The following SYN1 variants were observed in gnomAD, a reference collection of about 807,000 sequenced individuals.
SYN1 encodes the protein synapsin-1.
In SYN1, 8 loss-of-function variants were observed where a neutral mutation model predicts 44.6. The observed-to-expected ratio is 0.18, with a 90% CI of 0.11 to 0.32. SYN1 has a LOEUF of 0.32. Among genes scored for constraint, SYN1 ranks in the 10% least tolerant of loss-of-function variants. SYN1 has a pLI of 1.00. For synonymous variants in SYN1, 275 were observed against 280.1 expected (o/e 0.98, Z 0.18); for missense variants, 451 against 639.4 (o/e 0.71, Z 3.18).
At chrX:47,603,914 T>A (rs865967660) in intron 5 of SYN1, among the ~76,000 whole-genome samples, 1,968 of 99,558 alleles carry the variant, frequency 0.02, 28 homozygotes, top group African/African-American at 0.024. Flanking sequence ...ATATTTTTTT[T>A]TTTTTTTTTT....
intron 5 of SYN1, among the ~76,000 whole-genome samples, chrX:47,578,831 C>T (rs886116814): frequency 1.3e-4 from 14 of 111,266 alleles, no homozygotes; most frequent in East Asian, 2.8e-4. Flanking sequence ...ACAGGAAGCC[C>T]GCAGACTCAG....
rs770195822 is a variant in SYN1, at chrX:47,574,283, T to A, written c.1701A>T (p.Thr567=). Residue 567 remains threonine (T), a synonymous_variant, in exon 12 of 13, where the codon ACA becomes ACT. Coordinates refer to ENST00000295987, the MANE Select transcript of SYN1 (RefSeq NM_006950.3). ...QAGPPQATRQ[T]SVSGPAPPKA... is the part of the protein sequence containing the mutation. The stretch of plus-strand genomic sequence containing the variant: ...TTGGCGGAGCCGGGCCAGAGACGGA[T>A]GTCTGACGGGTAGCCTGTGGGGGGC... 300 of 1,102,205 alleles carry A rather than the reference T, an allele frequency of 2.7e-4. 1 individual carries two copies. The highest frequency in any genetic ancestry group is 2.4e-4 in the Non-Finnish European group (206 of 848,567). The allele number at this position is 1,102,205 out of a possible 1,213,427, so 90.8% of individuals were successfully genotyped here.
At chrX:47,595,380 G>T (rs928497691) in intron 5 of SYN1, among the ~76,000 whole-genome samples, 9 of 112,003 alleles carry the variant, frequency 8.0e-5, no homozygotes, top group Non-Finnish European at 1.7e-4. Context: ...AAATAACCTG[G>T]GGCTTGCCAT....
intron 1 of SYN1, among the ~76,000 whole-genome samples, chrX:47,618,357 G>T (rs1429262465): frequency 2.7e-5 from 3 of 112,091 alleles, no homozygotes; most frequent in African/African-American, 9.8e-5. Context: ...TTTAGAGAAG[G>T]CTCACACTGC....
At chrX:47,599,098 G>C (rs895700980) in intron 5 of SYN1, among the ~76,000 whole-genome samples, 1 of 110,763 alleles carries the variant, frequency 9.0e-6, no homozygotes, top group Non-Finnish European at 1.9e-5. Context: ...ATTAAAAATG[G>C]TACACTAGAA....
At chrX:47,612,598 T>C (rs1374204491) in intron 1 of SYN1, among the ~76,000 whole-genome samples, 1 of 112,047 alleles carries the variant, frequency 8.9e-6, no homozygotes, top group Non-Finnish European at 1.9e-5. Context: ...ATAACCCAAC[T>C]GGAATGGCCT....
At chrX:47,579,932 T>C in intron 5 of SYN1, among the ~76,000 whole-genome samples, 1 of 101,566 alleles carries the variant, frequency 9.8e-6, no homozygotes, top group Non-Finnish European at 2.0e-5. Flanking sequence ...CCCTTTTGTG[T>C]CTAAGTTTCC....
At chrX:47,603,692 C>T (rs1435739964) in intron 5 of SYN1, among the ~76,000 whole-genome samples, 1 of 110,244 alleles carries the variant, frequency 9.1e-6, no homozygotes, top group Non-Finnish European at 1.9e-5. Flanking sequence ...TAAGTCAAAA[C>T]AGGTACTTAT....
Position 47,605,313 on chromosome X carries a change from G to A in SYN1, c.594C>T (p.Tyr198=), listed in dbSNP as rs779221983. 8.3e-7 allele frequency: 1 copy of A among 1,211,001 alleles called. No homozygotes were observed. The highest frequency in any genetic ancestry group is 1.1e-6 in the Non-Finnish European group (1 of 895,128). ...ACTGCAGCCCAATGACCAAACTGCG[G>A]TAGTCTCCGTTGCGTGCCATGCTGA... ...HAFSMARNGD[Y]RSLVIGLQYA... Residue 198 remains tyrosine, a synonymous_variant, in exon 4 of 13, where the codon TAC becomes TAT. Coordinates refer to ENST00000295987, the MANE Select transcript of SYN1 (RefSeq NM_006950.3).
At chrX:47,589,383 G>A (rs1445176321) in intron 5 of SYN1, among the ~76,000 whole-genome samples, 1 of 108,151 alleles carries the variant, frequency 9.2e-6, no homozygotes, top group Non-Finnish European at 1.9e-5. Flanking sequence ...CACGAGGTCA[G>A]GAGATCGAGA....
chrX:47,580,694 G>C (rs2057794732), intron 5 of SYN1, among the ~76,000 whole-genome samples: 1 of 110,145 alleles, frequency 9.1e-6, no homozygotes, highest in Non-Finnish European at 1.9e-5. Context: ...CCAACACTTT[G>C]GGAGGTCGAG....
intron 1 of SYN1, 103 bp from the exon 2 acceptor site, chrX:47,607,301 C>T: frequency 6.0e-6 from 4 of 663,087 alleles, no homozygotes; most frequent in Non-Finnish European, 9.5e-6. Flanking sequence ...CTAAAGAAAC[C>T]ACAAAGTGCC....
intron 5 of SYN1, chrX:47,585,413 G>GATGGGA (rs2057819816): frequency 1.7e-6 from 2 of 1,197,396 alleles, no homozygotes; most frequent in African/African-American, 3.5e-5. Context: ...GCGAGGCTCT[G>GATGGGA]ATGGGAATGG....
chrX:47,586,571 C>T (rs756822710), intron 5 of SYN1: 4 of 1,212,081 alleles, frequency 3.3e-6, no homozygotes, highest in Middle Eastern at 2.3e-4. Flanking sequence ...GCACTCATTG[C>T]TTGTGGACGG....
chrX:47,573,590 A>G (rs917384017), intron 12 of SYN1, among the ~76,000 whole-genome samples: 2 of 110,478 alleles, frequency 1.8e-5, no homozygotes, highest in Middle Eastern at 4.2e-3. Context: ...GAAGAGCCAG[A>G]TGATAGGAGG....
chrX:47,602,303 G>A (rs2057882098), intron 5 of SYN1, among the ~76,000 whole-genome samples: 1 of 111,725 alleles, frequency 9.0e-6, no homozygotes, highest in Non-Finnish European at 1.9e-5. Context: ...ATCACATTCT[G>A]CTCTACTGTC....
intron 1 of SYN1, among the ~76,000 whole-genome samples, chrX:47,610,903 T>G (rs993759561): frequency 1.8e-4 from 20 of 111,316 alleles, no homozygotes; most frequent in African/African-American, 5.9e-4. Context: ...GCCTGGAGGA[T>G]ACACTCAACT....
intron 5 of SYN1, among the ~76,000 whole-genome samples, chrX:47,592,772 G>T (rs2057852113): frequency 9.0e-6 from 1 of 111,329 alleles, no homozygotes; most frequent in Non-Finnish European, 1.9e-5. Flanking sequence ...TGTTGTTATT[G>T]TATATGTTTT....
In SYN1 at chrX:47,605,923, C is replaced by T. The variant is rs183293674; in HGVS notation, c.528-544G>A. ...TTTCTTTTTTTTTTTTCTGTTGAGACGGACTGTTGCTCTGTTGTCCAGGCG... is the reference window on the plus strand; with the variant it reads ...TTTCTTTTTTTTTTTTCTGTTGAGATGGACTGTTGCTCTGTTGTCCAGGCG... On this transcript the variant is annotated intron_variant, in intron 3 of 12. Transcript: ENST00000295987. 7.4e-4 allele frequency among the ~76,000 whole-genome samples: 80 copies of T among 107,960 alleles called. 1 individual carries two copies. The highest frequency in any genetic ancestry group is 7.1e-3 in the Admixed American group (71 of 10,051). The allele number at this position is 107,960 out of a possible 115,157, so 93.8% of individuals were successfully genotyped here. A position where few individuals can be genotyped will look rare whatever the true frequency, so the allele number is the denominator to read the frequency against.
Sources: gnomAD v4.1 joint callset for allele counts (sites outside exome capture counted in the v4.1 genomes callset) on GRCh38, gnomAD v4.1.1 for gene constraint, MANE v1.5 for transcripts, NCBI Gene and HGNC (gene_info 2026-07-23, HGNC 2026-07-21) for gene names.